The following SBF2 variants were observed in gnomAD, a reference collection of about 807,000 sequenced individuals.
SBF2 encodes the protein myotubularin-related protein 13.
SBF2 carries 112 observed loss-of-function variants against 225.2 expected under a neutral mutation model. That is an observed-to-expected ratio of 0.50 (90% CI 0.43 to 0.58). The LOEUF (loss-of-function observed/expected upper bound fraction) is 0.58, where lower values mean the gene tolerates loss of function less well. Ranked by LOEUF, SBF2 falls within the 20% of genes least tolerant of loss-of-function variation. The pLI, the probability that SBF2 is intolerant of heterozygous loss-of-function variation, is 0.00. For synonymous variants in SBF2, 763 were observed against 773.3 expected, an observed-to-expected ratio of 0.99 and a Z score of 0.22; for missense variants, 1,996 against 2,206.2, an observed-to-expected ratio of 0.90 and a Z score of 1.91.
At chr11:9,910,963 G>A (rs1166489925) in intron 16 of SBF2, among the ~76,000 whole-genome samples, 1 of 151,744 alleles carries the variant, frequency 6.6e-6, no homozygotes, top group African/African-American at 2.4e-5. Flanking sequence ...GGAGGCTGAG[G>A]CAGGGGAATT....
chr11:10,130,701 C>G (rs1370884394), intron 2 of SBF2, among the ~76,000 whole-genome samples: 2 of 152,156 alleles, frequency 1.3e-5, no homozygotes, highest in African/African-American at 4.8e-5. Flanking sequence ...CAACCCCGCC[C>G]CCACAAAAAT....
At position 9,845,551 on chromosome 11, in the gene SBF2, GTCTT is replaced by G. The variant is rs1590208408; in HGVS notation, c.3110+10_3110+13del. On this transcript the variant is annotated intron_variant, in intron 24 of 39. Coordinates refer to ENST00000256190, the MANE Select transcript of SBF2 (RefSeq NM_030962.4). ...CGGGAGGGCTGAAATTAACAGACTT[GTCTT>G]TCTTCTTACCGAAAAGAAGTGTTCT... is the stretch of plus-strand genomic sequence containing the variant. The G allele has an allele frequency of 9.9e-6, 16 of 1,610,832 alleles. No individual in the cohort carries two copies. Among genetic ancestry groups the G allele is most frequent in the Non-Finnish European group, 1.4e-5 (16 of 1,177,052 alleles).
chr11:10,204,222 T>C (rs1373103040), intron 1 of SBF2, among the ~76,000 whole-genome samples: 6 of 146,254 alleles, frequency 4.1e-5, no homozygotes, highest in Non-Finnish European at 9.0e-5. Flanking sequence ...TGGAGCTACA[T>C]CTTTAAAATA....
chr11:9,841,162 CTTCAA>C (rs1030281293), intron 25 of SBF2, among the ~76,000 whole-genome samples: 6 of 152,190 alleles, frequency 3.9e-5, no homozygotes, highest in African/African-American at 1.2e-4. Context: ...AATTTGTGAA[CTTCAA>C]TTCATGTTTC....
chr11:9,780,011 G>T lies in SBF2; in HGVS notation c.*407C>A. On this transcript the variant is annotated 3_prime_UTR_variant, in exon 40 of 40. Transcript: ENST00000256190. Reference sequence around the variant, plus strand: ...AGGTAGAATATGAGACAATCTTGGAGGGTTTTGATTTTTGCTTGTTAAACA... The same window carrying T: ...AGGTAGAATATGAGACAATCTTGGATGGTTTTGATTTTTGCTTGTTAAACA... 3.5e-6 allele frequency: 1 copy of T among 282,464 alleles called. No individual in the cohort carries two copies. The highest frequency in any genetic ancestry group is 7.0e-6 in the Non-Finnish European group (1 of 142,876). 17.5% of individuals were successfully genotyped at this position (282,464 alleles called of 1,614,324 possible).
At chr11:10,146,114 A>G (rs1954872554) in intron 2 of SBF2, among the ~76,000 whole-genome samples, 1 of 152,166 alleles carries the variant, frequency 6.6e-6, no homozygotes, top group African/African-American at 2.4e-5. Context: ...TGCTTATCAG[A>G]GAAGTATCAA....
intron 16 of SBF2, among the ~76,000 whole-genome samples, chr11:9,955,664 A>G (rs1407830390): frequency 1.3e-5 from 2 of 152,104 alleles, no homozygotes; most frequent in Non-Finnish European, 2.9e-5. Context: ...GAAGATAAAT[A>G]TGCCCTGTAA....
At chr11:10,297,522 T>C (rs1164767751), upstream of SBF2, among the ~76,000 whole-genome samples, 1 of 152,254 alleles carries the variant, frequency 6.6e-6, no homozygotes, top group Non-Finnish European at 1.5e-5. Flanking sequence ...TTTAGCTCTT[T>C]AGTACTTTGA....
Position 9,861,672 on chromosome 11 carries a change from A to C in SBF2, c.1930-3276T>G, listed in dbSNP as rs376773976. 2.5e-4 allele frequency among the ~76,000 whole-genome samples: 38 copies of C among 151,714 alleles called. No individual in the cohort carries two copies. The East Asian group carries it at 6.6e-3, about 26-fold the overall frequency. The stretch of plus-strand genomic sequence containing the variant: ...GAGTGAGACTCCATCTCAAAAAAAA[A>C]AAAAAAAAAAATGTTTCTTGAAACA... On this transcript the variant is annotated intron_variant, in intron 17 of 39. Transcript: ENST00000256190.
intron 2 of SBF2, among the ~76,000 whole-genome samples, chr11:10,185,119 T>TG (rs1056740716): frequency 5.5e-5 from 8 of 144,340 alleles, no homozygotes; most frequent in African/African-American, 2.0e-4. Flanking sequence ...TGGGGGGGGG[T>TG]GTGTGTGTGC....
chr11:9,912,029 T>C (rs1564991402), intron 16 of SBF2, among the ~76,000 whole-genome samples: 1 of 152,198 alleles, frequency 6.6e-6, no homozygotes, highest in Non-Finnish European at 1.5e-5. Flanking sequence ...TTTTTTGTTA[T>C]TTTTTAGCTG....
chr11:10,002,089 C>G (rs1184011745), intron 7 of SBF2, among the ~76,000 whole-genome samples: 2 of 152,092 alleles, frequency 1.3e-5, no homozygotes, highest in African/African-American at 4.8e-5. Context: ...TTGAGAATTA[C>G]CAGTGCACGG....
intron 16 of SBF2, among the ~76,000 whole-genome samples, chr11:9,946,371 C>A (rs1865562010): frequency 6.6e-6 from 1 of 152,042 alleles, no homozygotes; most frequent in Non-Finnish European, 1.5e-5. Context: ...ACCCCCTGAA[C>A]CTGAAATAAA....
chr11:10,289,306 GC>G (rs1376200853), intron 1 of SBF2, among the ~76,000 whole-genome samples: 2 of 152,158 alleles, frequency 1.3e-5, no homozygotes, highest in Non-Finnish European at 2.9e-5. Context: ...GGGTGGGGGG[GC>G]CTCCTGCTCG....
rs1554954766 is a variant in SBF2, at chr11:9,920,219, T to TATATAC, written c.1861-24209_1861-24208insGTATAT. Among the ~76,000 whole-genome samples the TATATAC allele has an allele frequency of 8.5e-3, 1,271 of 149,562 alleles. 8 individuals carry two copies. The highest frequency in any genetic ancestry group is 0.011 in the Non-Finnish European group (738 of 67,548). On this transcript the variant is annotated intron_variant, in intron 16 of 39. Transcript: ENST00000256190. ...GTGTGTGTGTGTATATATATATATA[T>TATATAC]ACACACACATATATGTATATCATAT...
intron 1 of SBF2, among the ~76,000 whole-genome samples, chr11:10,242,394 A>G (rs1565393410): frequency 1.3e-5 from 2 of 152,094 alleles, no homozygotes; most frequent in African/African-American, 4.8e-5. Context: ...AAAAAAAAGT[A>G]TATTATTACA....
chr11:9,933,465 G>A (rs1354023424), intron 16 of SBF2, among the ~76,000 whole-genome samples: 1 of 152,180 alleles, frequency 6.6e-6, no homozygotes, highest in Non-Finnish European at 1.5e-5. Context: ...CTGTGTCTCA[G>A]ACCACAGTGC....
At chr11:10,302,066 C>CT (rs1362765664) in intron 1 of SBF2, among the ~76,000 whole-genome samples, 1 of 151,988 alleles carries the variant, frequency 6.6e-6, no homozygotes, top group Non-Finnish European at 1.5e-5. Flanking sequence ...TTGTACTGTC[C>CT]TTGCTCAACG....
intron 1 of SBF2, among the ~76,000 whole-genome samples, chr11:10,243,013 A>C (rs913356740): frequency 6.6e-6 from 1 of 152,184 alleles, no homozygotes; most frequent in Non-Finnish European, 1.5e-5. Context: ...CATTCCACCC[A>C]AAAGTAGCAG....
Sources: gnomAD v4.1 joint callset for allele counts (sites outside exome capture counted in the v4.1 genomes callset) on GRCh38, gnomAD v4.1.1 for gene constraint, MANE v1.5 for transcripts, NCBI Gene and HGNC (gene_info 2026-07-23, HGNC 2026-07-21) for gene names.